Variants in DPY19L4 observed in about 807,000 individuals in gnomAD.
The protein encoded by DPY19L4 is probable C-mannosyltransferase DPY19L4.
A neutral mutation model predicts 102.8 loss-of-function variants in DPY19L4; 97 were observed. The ratio of observed to expected loss-of-function variants is 0.94; its 90% CI spans 0.80 to 1.12. The LOEUF (loss-of-function observed/expected upper bound fraction) is 1.12, where lower values mean the gene tolerates loss of function less well. DPY19L4 is among the 50% of genes most tolerant of loss of function. The pLI is 0.00. For missense variants in DPY19L4, 815 were observed against 850.4 expected (o/e 0.96, Z 0.52); for synonymous variants, 252 against 283.1 (o/e 0.89, Z 1.10).
At chr8:94,787,347 T>C (rs538818147) in intron 17 of DPY19L4, among the ~76,000 whole-genome samples, 1 of 152,282 alleles carries the variant, frequency 6.6e-6, no homozygotes, top group East Asian at 1.9e-4. Context: ...TCTTGATGTA[T>C]TGGCATTCTG....
intron 12 of DPY19L4, among the ~76,000 whole-genome samples, chr8:94,769,679 C>T (rs1016490386): frequency 1.1e-4 from 17 of 151,264 alleles, no homozygotes; most frequent in Non-Finnish European, 2.4e-4. Context: ...TAGTGAGACC[C>T]CCGTCTCTTA....
At chr8:94,778,176 A>C (rs1356482262) in intron 14 of DPY19L4, among the ~76,000 whole-genome samples, 10 of 152,174 alleles carry the variant, frequency 6.6e-5, no homozygotes, top group Non-Finnish European at 1.5e-5. Context: ...CAGAGGTTGC[A>C]GTGAGCCAAA....
chr8:94,773,929 G>A (rs763419729), intron 13 of DPY19L4, among the ~76,000 whole-genome samples: 4 of 148,062 alleles, frequency 2.7e-5, no homozygotes, highest in Non-Finnish European at 5.9e-5. Flanking sequence ...CAGCCACTAT[G>A]GAGGCTGAGG....
At chr8:94,747,652 G>A (rs957231137) in intron 6 of DPY19L4, among the ~76,000 whole-genome samples, 2 of 147,640 alleles carry the variant, frequency 1.4e-5, no homozygotes, top group African/African-American at 5.0e-5. Flanking sequence ...TCCGCCTCCC[G>A]GGTTCACGCC....
chr8:94,737,266 A>T (rs944234349), intron 3 of DPY19L4, among the ~76,000 whole-genome samples: 6 of 151,934 alleles, frequency 3.9e-5, no homozygotes, highest in Non-Finnish European at 8.8e-5. Context: ...CCTCACTGCA[A>T]CCTGTGCCGC....
chr8:94,731,936 T>G (rs1425669346), intron 2 of DPY19L4, among the ~76,000 whole-genome samples: 1 of 151,736 alleles, frequency 6.6e-6, no homozygotes, highest in Non-Finnish European at 1.5e-5. Context: ...CCTGGCTAAT[T>G]TTGTTTTTGT....
intron 7 of DPY19L4, among the ~76,000 whole-genome samples, chr8:94,759,230 T>G (rs1436619622): frequency 6.6e-6 from 1 of 152,176 alleles, no homozygotes; most frequent in African/African-American, 2.4e-5. Flanking sequence ...TTCCCTTATG[T>G]GTCCTCTCCC....
chr8:94,738,667 C>A (rs576186336), intron 4 of DPY19L4, among the ~76,000 whole-genome samples: 1 of 151,908 alleles, frequency 6.6e-6, no homozygotes, highest in Admixed American at 6.6e-5. Flanking sequence ...GCATGCACCA[C>A]CATGCCCGGC....
At chr8:94,769,772 C>T (rs1394398914) in intron 12 of DPY19L4, among the ~76,000 whole-genome samples, 1 of 151,348 alleles carries the variant, frequency 6.6e-6, no homozygotes, top group Admixed American at 6.6e-5. Context: ...TATATAATTT[C>T]TTCATTTTAA....
At chr8:94,769,813 A>G (rs1346251805) in intron 12 of DPY19L4, among the ~76,000 whole-genome samples, 1 of 151,926 alleles carries the variant, frequency 6.6e-6, no homozygotes, top group East Asian at 1.9e-4. Flanking sequence ...TCATTTAACT[A>G]TATTAATTTA....
chr8:94,739,515 A>G lies in DPY19L4; in HGVS notation c.446A>G (p.Tyr149Cys). The G allele has an allele frequency of 3.1e-6, 5 of 1,606,590 alleles. No individual in the cohort carries two copies. The highest frequency in any genetic ancestry group is 4.2e-6 in the Non-Finnish European group (5 of 1,178,096). Residue 149 changes from tyrosine (Y) to cysteine (C), a missense_variant, in exon 5 of 19, where the codon TAT (tyrosine) becomes TGT (cysteine). Coordinates refer to ENST00000414645, the MANE Select transcript of DPY19L4 (RefSeq NM_181787.3). Reference sequence around the variant, plus strand: ...CCGGAACTTATTGCTAGCATTTTATATCAAGCCACTGGTAGCAATGTATGT... The same window carrying G: ...CCGGAACTTATTGCTAGCATTTTATGTCAAGCCACTGGTAGCAATGTATGT... ...LYPELIASIL[Y>C]QATGSNEIIE...
chr8:94,728,190 C>T (rs942141964), intron 2 of DPY19L4, among the ~76,000 whole-genome samples: 3 of 152,192 alleles, frequency 2.0e-5, no homozygotes, highest in African/African-American at 7.2e-5. Context: ...AACTCCTGAC[C>T]TCAGGTGATC....
intron 13 of DPY19L4, among the ~76,000 whole-genome samples, chr8:94,774,128 C>T (rs1330521679): frequency 9.2e-5 from 14 of 151,500 alleles, no homozygotes; most frequent in African/African-American, 3.4e-4. Context: ...ACTGTGCTCT[C>T]GAACTCCCAG....
intron 2 of DPY19L4, among the ~76,000 whole-genome samples, chr8:94,732,324 A>G (rs1451748748): frequency 6.6e-6 from 1 of 152,106 alleles, no homozygotes; most frequent in Non-Finnish European, 1.5e-5. Flanking sequence ...TATGCTTATT[A>G]TACTCAATGG....
chr8:94,773,505 C>G (rs1290573067), intron 13 of DPY19L4, among the ~76,000 whole-genome samples: 5 of 151,100 alleles, frequency 3.3e-5, no homozygotes, highest in African/African-American at 1.2e-4. Flanking sequence ...GATCTTGGCT[C>G]ACTGCAACCT....
In DPY19L4 at chr8:94,768,495, A is replaced by G; in HGVS notation, c.1276A>G (p.Ile426Val). The G allele has an allele frequency of 6.3e-7, 1 of 1,587,194 alleles. No homozygotes were observed. The highest frequency in any genetic ancestry group is 8.6e-7 in the Non-Finnish European group (1 of 1,160,944). Residue 426 changes from isoleucine (I) to valine (V), a missense_variant, in exon 12 of 19, where the codon ATT becomes GTT. Ile to Val is a conservative substitution (Grantham distance 29). Transcript: ENST00000414645. ...LTQSSLLPFY[I>V]LVLIICFLSM... ...ACAGTCTTCTTTATTACCTTTCTAC[A>G]TTCTAGTGTTAATTATTTGTTTTCT...
At chr8:94,744,887 T>G (rs896219764) in intron 6 of DPY19L4, 1 of 229,452 alleles carries the variant, frequency 4.4e-6, no homozygotes, top group Non-Finnish European at 8.8e-6. Context: ...TGAAATGTTC[T>G]TAATAGCTAA....
At chr8:94,733,690 C>T (rs746818890) in intron 2 of DPY19L4, among the ~76,000 whole-genome samples, 7 of 151,746 alleles carry the variant, frequency 4.6e-5, no homozygotes, top group African/African-American at 7.3e-5. Context: ...TACAGGCACC[C>T]GCCACCACAC....
At position 94,739,696 on chromosome 8, in the gene DPY19L4, G is replaced by A. The variant is rs757295557; in HGVS notation, c.517G>A (p.Gly173Arg). 5 of 1,614,052 alleles carry A rather than the reference G, an allele frequency of 3.1e-6. No individual in the cohort carries two copies. ...FYIGIVFGLQ[G>R]IYVTALFVTS... ...TATTGGCATTGTTTTTGGATTGCAA[G>A]GAATATATGTTACTGCTTTATTTGT... Residue 173 changes from glycine (G) to arginine (R), a missense_variant, in exon 6 of 19, where the codon GGA (glycine) becomes AGA (arginine). By Grantham distance (125) the Gly-to-Arg change is moderately radical. Coordinates refer to ENST00000414645, the MANE Select transcript of DPY19L4 (RefSeq NM_181787.3).
Sources: gnomAD v4.1 joint callset for allele counts (sites outside exome capture counted in the v4.1 genomes callset) on GRCh38, gnomAD v4.1.1 for gene constraint, MANE v1.5 for transcripts, NCBI Gene and HGNC (gene_info 2026-07-23, HGNC 2026-07-21) for gene names.